The following KBTBD11 variants were observed in gnomAD, a reference collection of about 807,000 sequenced individuals.
KBTBD11 encodes kelch repeat and BTB domain containing 11.
For missense variants in KBTBD11, 1,390 were observed against 1,001.8 expected (o/e 1.39, Z -5.23); for synonymous variants, 747 against 499.0 (o/e 1.50, Z -6.63).
chr8:1,973,791 G>A lies in KBTBD11; in HGVS notation c.-1053G>A. ...TGCCGCCCACGCCCCGCTGCGGGTC[G>A]GAGGAGCAGCTCCCGCTCGCAGGTG... On this transcript the variant is annotated 5_prime_UTR_variant, in exon 1 of 2. Coordinates refer to ENST00000320248, the MANE Select transcript of KBTBD11 (RefSeq NM_014867.3). 9 of 983,738 alleles carry A rather than the reference G, an allele frequency of 9.1e-6. No homozygotes were observed. Among genetic ancestry groups the A allele is most frequent in the Non-Finnish European group, 1.1e-5 (9 of 829,308 alleles). The allele number at this position is 983,738 out of a possible 1,614,324, so 60.9% of individuals were successfully genotyped here.
chr8:2,003,185 C>T lies in KBTBD11; in HGVS notation c.*121C>T. On this transcript the variant is annotated 3_prime_UTR_variant, in exon 2 of 2. Coordinates refer to ENST00000320248, the MANE Select transcript of KBTBD11 (RefSeq NM_014867.3). The stretch of plus-strand genomic sequence containing the variant: ...GCTGGCCACGCTGGTGGTTTGGACA[C>T]TTCGAAGGAGCCCCGAGGACGCTCT... 8.1e-7 allele frequency: 1 copy of T among 1,236,516 alleles called. No homozygotes were observed. Among genetic ancestry groups the T allele is most frequent in the Non-Finnish European group, 1.0e-6 (1 of 979,828 alleles). The allele number at this position is 1,236,516 out of a possible 1,614,324, so 76.6% of individuals were successfully genotyped here.
At chr8:1,980,182 C>G (rs1816491874) in intron 1 of KBTBD11, among the ~76,000 whole-genome samples, 1 of 151,330 alleles carries the variant, frequency 6.6e-6, no homozygotes, top group African/African-American at 2.4e-5. Context: ...AGATAGAGGC[C>G]CAGTCTGTGT....
chr8:1,977,490 G>A (rs1816387974), intron 1 of KBTBD11, among the ~76,000 whole-genome samples: 1 of 151,958 alleles, frequency 6.6e-6, no homozygotes, highest in Non-Finnish European at 1.5e-5. Flanking sequence ...TCTTTGAACA[G>A]GTCCTCCTGC....
In KBTBD11 at chr8:2,001,903, C is replaced by T. The variant is rs1252438125; in HGVS notation, c.711C>T (p.Tyr237=). Residue 237 remains tyrosine (Y), a synonymous_variant, in exon 2 of 2, where the codon TAC becomes TAT. Coordinates refer to ENST00000320248, the MANE Select transcript of KBTBD11 (RefSeq NM_014867.3). ...CGCAGCTGAGCCTGGCCAACTGCTA[C>T]GAGGTCCTGAGCGCGGCCAAGCGGC... ...VGPQLSLANC[Y]EVLSAAKRQR... 4 of 1,437,766 alleles carry T rather than the reference C, an allele frequency of 2.8e-6. No individual in the cohort carries two copies. The highest frequency in any genetic ancestry group is 1.8e-6 in the Non-Finnish European group (2 of 1,088,862). 89.1% of individuals were successfully genotyped at this position (1,437,766 alleles called of 1,614,324 possible).
At chr8:1,988,147 T>C (rs1816764252) in intron 1 of KBTBD11, among the ~76,000 whole-genome samples, 1 of 152,184 alleles carries the variant, frequency 6.6e-6, no homozygotes, top group Non-Finnish European at 1.5e-5. Context: ...GACATTTGGG[T>C]TGGTTCCAAG....
intron 1 of KBTBD11, among the ~76,000 whole-genome samples, chr8:1,993,948 C>T (rs1305311609): frequency 6.6e-6 from 1 of 151,436 alleles, no homozygotes; most frequent in African/African-American, 2.4e-5. Context: ...CACACACACA[C>T]ACACACACAC....
chr8:1,980,293 C>G (rs1236405781), intron 1 of KBTBD11, among the ~76,000 whole-genome samples: 1 of 147,632 alleles, frequency 6.8e-6, no homozygotes, highest in Non-Finnish European at 1.5e-5. Flanking sequence ...GTGGCGCAAT[C>G]TCAGCTCACT....
intron 1 of KBTBD11, among the ~76,000 whole-genome samples, chr8:1,980,791 G>T (rs1435854584): frequency 2.0e-5 from 3 of 152,166 alleles, no homozygotes; most frequent in Non-Finnish European, 4.4e-5. Context: ...TTTTCTGAGA[G>T]AGTGCCAGCG....
chr8:2,001,254 A>T lies in KBTBD11; in HGVS notation c.62A>T (p.Glu21Val). ...YPGTEPGAAG[E>V]SESEGAASPA... ...GGGACTGAGCCCGGGGCTGCCGGGG[A>T]GAGCGAGAGCGAGGGCGCCGCGTCC... The change falls in exon 2 of 2, where the codon GAG (glutamate) becomes GTG (valine). Residue 21 changes from glutamate to valine, a missense_variant. Physicochemically the swap from Glu to Val is moderately radical, Grantham distance 121. Transcript: ENST00000320248. The T allele has an allele frequency of 6.7e-7, 1 of 1,502,862 alleles. No individual in the cohort carries two copies. 93.1% of individuals were successfully genotyped at this position (1,502,862 alleles called of 1,614,324 possible).
chr8:1,997,813 C>G (rs1286876796), intron 1 of KBTBD11, among the ~76,000 whole-genome samples: 1 of 152,214 alleles, frequency 6.6e-6, no homozygotes, highest in Non-Finnish European at 1.5e-5. Context: ...TGAGACCATC[C>G]CCTGCTCTGC....
intron 1 of KBTBD11, among the ~76,000 whole-genome samples, chr8:1,988,878 A>G (rs1816786036): frequency 6.7e-6 from 1 of 149,804 alleles, no homozygotes; most frequent in African/African-American, 2.6e-5. Flanking sequence ...ATCATTATTA[A>G]CATATCAATG....
chr8:1,987,465 T>G (rs1319181795), intron 1 of KBTBD11, among the ~76,000 whole-genome samples: 3 of 152,132 alleles, frequency 2.0e-5, no homozygotes, highest in African/African-American at 7.2e-5. Context: ...CCGTCACTGC[T>G]TCCTTTCTTT....
chr8:1,996,516 C>A (rs183721108), intron 1 of KBTBD11, among the ~76,000 whole-genome samples: 1 of 152,150 alleles, frequency 6.6e-6, no homozygotes, highest in Non-Finnish European at 1.5e-5. Flanking sequence ...GACCCACCCA[C>A]CTCGGCCTCC....
chr8:1,979,423 A>T (rs879440775), intron 1 of KBTBD11, among the ~76,000 whole-genome samples: 40 of 152,166 alleles, frequency 2.6e-4, no homozygotes, highest in Non-Finnish European at 4.9e-4. Flanking sequence ...TGAGGTCAGG[A>T]GTTTGAGACC....
chr8:1,997,138 G>A (rs1585751766), intron 1 of KBTBD11, among the ~76,000 whole-genome samples: 1 of 152,108 alleles, frequency 6.6e-6, no homozygotes, highest in East Asian at 1.9e-4. Flanking sequence ...AAACCCTCCG[G>A]CGGGGGGTGG....
At position 1,993,958 on chromosome 8, in the gene KBTBD11, C is replaced by CACACACAAAAAA. The variant is rs1554527404; in HGVS notation, c.-908-6326_-908-6325insCACACAAAAAAA. Among the ~76,000 whole-genome samples, 26 of 148,244 alleles carry CACACACAAAAAA rather than the reference C, an allele frequency of 1.8e-4. No individual in the cohort carries two copies. The South Asian group carries it at 3.4e-3, about 20-fold the overall frequency. On this transcript the variant is annotated intron_variant, in intron 1 of 1. Transcript: ENST00000320248. ...ACACACACACACACACACACACACA[C>CACACACAAAAAA]AAAACCCCATAGATGGTTTATCAGG...
intron 1 of KBTBD11, among the ~76,000 whole-genome samples, chr8:1,989,049 A>G (rs1226189915): frequency 6.6e-6 from 1 of 152,146 alleles, no homozygotes; most frequent in Non-Finnish European, 1.5e-5. Context: ...TGACCCAAAC[A>G]TTGCTCAGAG....
intron 1 of KBTBD11, among the ~76,000 whole-genome samples, chr8:1,990,397 C>G (rs575209113): frequency 7.5e-6 from 1 of 132,972 alleles, no homozygotes; most frequent in Admixed American, 7.5e-5. Context: ...GCGCCCTGTC[C>G]GGGTAGGTGC....
chr8:1,995,360 C>G (rs562594088), intron 1 of KBTBD11, among the ~76,000 whole-genome samples: 100 of 152,276 alleles, frequency 6.6e-4, no homozygotes, highest in Middle Eastern at 3.4e-3. Flanking sequence ...AGCACAGAAC[C>G]TTGCTTTTAG....
Sources: gnomAD v4.1 joint callset for allele counts (sites outside exome capture counted in the v4.1 genomes callset) on GRCh38, gnomAD v4.1.1 for gene constraint, MANE v1.5 for transcripts, NCBI Gene and HGNC (gene_info 2026-07-23, HGNC 2026-07-21) for gene names.